Variants in ZBTB46 observed in about 807,000 individuals in gnomAD.
ZBTB46 encodes zinc finger and BTB domain-containing protein 46.
Under a neutral mutation model 44.1 loss-of-function variants are expected in ZBTB46, and 8 were observed. That is an observed-to-expected ratio of 0.18 (90% CI 0.11 to 0.33). ZBTB46 has a LOEUF of 0.33. Ranked by LOEUF, ZBTB46 falls within the 10% of genes least tolerant of loss-of-function variation. The probability of loss-of-function intolerance (pLI) is 1.00; values close to 1 mark genes in which losing one functional copy is unlikely to be tolerated. For synonymous variants in ZBTB46, 409 were observed against 382.3 expected (o/e 1.07, Z -0.81); for missense variants, 651 against 847.7 (o/e 0.77, Z 2.88).
At chr20:63,814,156 C>T (rs543026436) in intron 1 of ZBTB46, among the ~76,000 whole-genome samples, 19 of 151,148 alleles carry the variant, frequency 1.3e-4, no homozygotes, top group Admixed American at 3.3e-4. Flanking sequence ...TGGCATGAAC[C>T]CGGGAGGCAG....
At chr20:63,829,235 C>A (rs2092835398) in intron 1 of ZBTB46, among the ~76,000 whole-genome samples, 1 of 152,198 alleles carries the variant, frequency 6.6e-6, no homozygotes, top group South Asian at 2.1e-4. Context: ...GTCCACCCAA[C>A]CCGAACATCC....
chr20:63,747,078 G>A lies in ZBTB46; in HGVS notation c.1622C>T (p.Pro541Leu), dbSNP rs1029480379. The A allele has an allele frequency of 7.5e-6, 12 of 1,608,982 alleles. No individual in the cohort carries two copies. Among genetic ancestry groups the A allele is most frequent in the Non-Finnish European group, 8.5e-6 (10 of 1,179,468 alleles). ...DGPYLEDPED[P>L]RGEAEELGED... ...GCCCAGCTCCTCCGCCTCCCCTCGT[G>A]GGTCCTCAGGGTCCTCCAGATAGGG... The change falls in exon 5 of 5, where the codon CCA (proline) becomes CTA (leucine). Residue 541 changes from proline to leucine, a missense_variant. Coordinates refer to ENST00000245663, the MANE Select transcript of ZBTB46 (RefSeq NM_001369741.1).
chr20:63,746,969 G>A lies in ZBTB46; in HGVS notation c.1731C>T (p.Pro577=). The change falls in exon 5 of 5, where the codon CCC becomes CCT. Residue 577 remains proline (P), a synonymous_variant. Coordinates refer to ENST00000245663, the MANE Select transcript of ZBTB46 (RefSeq NM_001369741.1). ...CGAAGTCCTTGTCAGGGCCTCCTGG[G>A]GGGCTGCGCGGCCGCGGCGAGTCTT... is the stretch of plus-strand genomic sequence containing the variant. ...DEEDSPRPRS[P]PGGPDKDFAW... 1.3e-6 allele frequency: 2 copies of A among 1,598,136 alleles called. No homozygotes were observed. The highest frequency in any genetic ancestry group is 1.7e-4 in the Middle Eastern group (1 of 6,004).
intron 3 of ZBTB46, among the ~76,000 whole-genome samples, chr20:63,771,597 GCC>G (rs1472085300): frequency 6.6e-6 from 1 of 152,082 alleles, no homozygotes; most frequent in Non-Finnish European, 1.5e-5. Flanking sequence ...CACCGCGGCA[GCC>G]CCCCGAGAGG....
Position 63,752,898 on chromosome 20 carries a change from T to C in ZBTB46, c.1223-37A>G. 1.3e-6 allele frequency: 2 copies of C among 1,565,164 alleles called. No homozygotes were observed. Among genetic ancestry groups the C allele is most frequent in the Non-Finnish European group, 8.7e-7 (1 of 1,150,766 alleles). ...GGACCCGCGAGGCGTCAGCAGGGCT[T>C]GGGATGTACCGCCCTGCGGCCCACA... is the stretch of plus-strand genomic sequence containing the variant. On this transcript the variant is annotated intron_variant, in intron 3 of 4. Coordinates refer to ENST00000245663, the MANE Select transcript of ZBTB46 (RefSeq NM_001369741.1). This position sits in a 1 kb window ranked among gnomAD's most constrained non-coding sequence, Gnocchi z 5.6.
chr20:63,749,010 C>T (rs2092132855), intron 4 of ZBTB46, among the ~76,000 whole-genome samples: 1 of 152,246 alleles, frequency 6.6e-6, no homozygotes, highest in Admixed American at 6.5e-5. Context: ...ATCCACAGGC[C>T]GACAGGCCAC....
At chr20:63,781,858 G>T (rs2092472510) in intron 2 of ZBTB46, among the ~76,000 whole-genome samples, 1 of 151,854 alleles carries the variant, frequency 6.6e-6, no homozygotes, top group Non-Finnish European at 1.5e-5. Flanking sequence ...GGCTGAGGTG[G>T]GCAGATCACA....
intron 1 of ZBTB46, among the ~76,000 whole-genome samples, chr20:63,807,860 G>A (rs62219895): frequency 4.1e-4 from 63 of 152,392 alleles, no homozygotes; most frequent in Non-Finnish European, 1.8e-4. Flanking sequence ...CTCGCCCGGT[G>A]TCTGGCCTCC....
At chr20:63,769,934 C>T (rs2092352813) in intron 3 of ZBTB46, among the ~76,000 whole-genome samples, 2 of 152,234 alleles carry the variant, frequency 1.3e-5, no homozygotes, top group African/African-American at 2.4e-5. Context: ...GCCATCTCCA[C>T]GGCCACCTTC....
intron 1 of ZBTB46, among the ~76,000 whole-genome samples, chr20:63,829,067 C>T (rs1456745095): frequency 6.6e-6 from 1 of 152,200 alleles, no homozygotes; most frequent in East Asian, 1.9e-4. Flanking sequence ...ACTGTGTACC[C>T]CCCACGGCAT....
intron 1 of ZBTB46, 30 bp from the exon 2 acceptor site, chr20:63,790,820 G>A: frequency 6.7e-7 from 1 of 1,497,928 alleles, no homozygotes; most frequent in Non-Finnish European, 8.9e-7. Flanking sequence ...AGTTACCCAA[G>A]CTCAGCACAG....
In ZBTB46 at chr20:63,803,320, C is replaced by CAT; in HGVS notation, c.-33-12532_-33-12531dup. On this transcript the variant is annotated intron_variant, in intron 1 of 4. Coordinates refer to ENST00000245663, the MANE Select transcript of ZBTB46 (RefSeq NM_001369741.1). The surrounding 1 kb of genome is among the most constrained non-coding windows in gnomAD (Gnocchi z 4.0). ...TGAAACTGTCGTACAAATTAAATTT[C>CAT]ATATACATCATATTACCATTGTTCG... The CAT allele has an allele frequency of 3.0e-6, 3 of 985,364 alleles. No individual in the cohort carries two copies. Among genetic ancestry groups the CAT allele is most frequent in the Non-Finnish European group, 3.6e-6 (3 of 829,872 alleles). The allele number at this position is 985,364 out of a possible 1,614,324, so 61.0% of individuals were successfully genotyped here. A position where few individuals can be genotyped will look rare whatever the true frequency, so the allele number is the denominator to read the frequency against.
intron 3 of ZBTB46, among the ~76,000 whole-genome samples, chr20:63,758,852 C>T (rs1234879801): frequency 6.6e-6 from 1 of 152,016 alleles, no homozygotes; most frequent in Non-Finnish European, 1.5e-5. Flanking sequence ...CTGCCTCAGC[C>T]TCCCGAGTAG....
At chr20:63,801,866 C>G (rs1042146584) in intron 1 of ZBTB46, among the ~76,000 whole-genome samples, 3 of 152,166 alleles carry the variant, frequency 2.0e-5, no homozygotes, top group Non-Finnish European at 4.4e-5. Context: ...GCAGCTCCAC[C>G]CAAGAGTTCG....
At chr20:63,795,353 C>G (rs775666448) in intron 1 of ZBTB46, among the ~76,000 whole-genome samples, 4 of 152,242 alleles carry the variant, frequency 2.6e-5, no homozygotes, top group Non-Finnish European at 5.9e-5. Context: ...CCGCCGACAA[C>G]CAGGTGCACG....
chr20:63,766,413 G>A (rs766063314), intron 3 of ZBTB46, among the ~76,000 whole-genome samples: 31 of 151,134 alleles, frequency 2.1e-4, no homozygotes, highest in Non-Finnish European at 3.5e-4. Flanking sequence ...ATACGATTTC[G>A]CCATGTTGGC....
chr20:63,761,874 G>T (rs1467761765), intron 3 of ZBTB46, among the ~76,000 whole-genome samples: 2 of 151,930 alleles, frequency 1.3e-5, no homozygotes, highest in Non-Finnish European at 2.9e-5. Context: ...GCAAGCATTT[G>T]GGGATATTCT....
intron 1 of ZBTB46, among the ~76,000 whole-genome samples, chr20:63,830,552 C>T (rs2092844012): frequency 6.7e-6 from 1 of 150,342 alleles, no homozygotes. Context: ...CCCGCCCGCG[C>T]CCACCTCCCG....
chr20:63,746,758 G>T lies in ZBTB46; in HGVS notation c.*172C>A. 6.6e-6 allele frequency: 7 copies of T among 1,061,024 alleles called. No individual in the cohort carries two copies. Among genetic ancestry groups the T allele is most frequent in the Non-Finnish European group, 9.0e-6 (7 of 779,642 alleles). 65.7% of individuals were successfully genotyped at this position (1,061,024 alleles called of 1,614,324 possible). A position where few individuals can be genotyped will look rare whatever the true frequency, so the allele number is the denominator to read the frequency against. On this transcript the variant is annotated 3_prime_UTR_variant, in exon 5 of 5. Transcript: ENST00000245663. The stretch of plus-strand genomic sequence containing the variant: ...GTCCCAGAGCACCCCTCTTGCTGGG[G>T]TCGCACCTGCTTAGCCCGCAGGGCT...
Sources: allele counts gnomAD v4.1 joint callset (sites outside exome capture counted in the v4.1 genomes callset), GRCh38; gene constraint gnomAD v4.1.1; non-coding constraint Gnocchi (gnomAD v3.1); transcripts MANE v1.5; gene names NCBI Gene and HGNC (gene_info 2026-07-23, HGNC 2026-07-21).